The following ZNF839 variants were observed in gnomAD, a reference collection of about 807,000 sequenced individuals.
ZNF839 encodes zinc finger protein 839.
Under a neutral mutation model 56.4 loss-of-function variants are expected in ZNF839, and 38 were observed. The observed-to-expected ratio is 0.67, with a 90% CI of 0.52 to 0.88. ZNF839 has a LOEUF of 0.88. Ranked by LOEUF, ZNF839 falls within the 40% of genes least tolerant of loss-of-function variation. ZNF839 has a pLI of 0.00. For synonymous variants in ZNF839, 486 were observed against 493.5 expected, an observed-to-expected ratio of 0.98 and a Z score of 0.20; for missense variants, 1,091 against 1,177.6, an observed-to-expected ratio of 0.93 and a Z score of 1.08.
At chr14:102,322,009 T>C (rs1458638987) in intron 1 of ZNF839, among the ~76,000 whole-genome samples, 2 of 152,150 alleles carry the variant, frequency 1.3e-5, no homozygotes, top group Admixed American at 1.3e-4. Flanking sequence ...CACAGAAATT[T>C]CCAGTTCCAT....
Position 102,342,174 on chromosome 14 carries a change from C to A in ZNF839, c.2779C>A (p.Arg927Ser), listed in dbSNP as rs201035007. The A allele has an allele frequency of 1.2e-6, 2 of 1,602,554 alleles. No homozygotes were observed. The highest frequency in any genetic ancestry group is 1.7e-6 in the Non-Finnish European group (2 of 1,172,614). The part of the protein sequence containing the change: ...DAEGRACGWA[R>S] ...AGAGGGGCGTGCCTGCGGATGGGCC[C>A]GCTAGAAGGAGTTCCTCTAGAAGCT... The change falls in exon 8 of 8, where the codon CGC becomes AGC. Residue 927 changes from arginine to serine, a missense_variant. Around this residue, in one of 3 missense-constraint regions of ZNF839, gnomAD observed 431 missense variants for 468.0 expected, o/e 0.92. Coordinates refer to ENST00000442396, the MANE Select transcript of ZNF839 (RefSeq NM_018335.6).
chr14:102,332,810 T>G lies in ZNF839; in HGVS notation c.1416+964T>G, dbSNP rs769489579. Among the ~76,000 whole-genome samples, 35 of 152,104 alleles carry G rather than the reference T, an allele frequency of 2.3e-4. No homozygotes were observed. Among genetic ancestry groups the G allele is most frequent in the Non-Finnish European group, 4.6e-4 (31 of 68,024 alleles). On this transcript the variant is annotated intron_variant, in intron 3 of 7. Coordinates refer to ENST00000442396, the MANE Select transcript of ZNF839 (RefSeq NM_018335.6). This position sits in a 1 kb window ranked among gnomAD's most constrained non-coding sequence, Gnocchi z 4.9. Reference sequence around the variant, plus strand: ...CTGTAATCCCAGCCACTTGGGAGACTGAGGGAGGAGAATCGCTTGAACCCA... The same window carrying G: ...CTGTAATCCCAGCCACTTGGGAGACGGAGGGAGGAGAATCGCTTGAACCCA...
At chr14:102,331,256 T>C (rs1375711454) in intron 2 of ZNF839, among the ~76,000 whole-genome samples, 3 of 152,194 alleles carry the variant, frequency 2.0e-5, no homozygotes, top group Admixed American at 6.5e-5. Flanking sequence ...TCTTTTTTTT[T>C]CTTTTTTTTG....
At chr14:102,330,702 G>C (rs2073735233) in intron 2 of ZNF839, among the ~76,000 whole-genome samples, 1 of 151,816 alleles carries the variant, frequency 6.6e-6, no homozygotes, top group Non-Finnish European at 1.5e-5. Flanking sequence ...AATTTTAGTA[G>C]AGACAGGGTT....
chr14:102,328,973 CTTTTT>C, intron 2 of ZNF839, among the ~76,000 whole-genome samples: 1 of 142,220 alleles, frequency 7.0e-6, no homozygotes, highest in South Asian at 2.2e-4. Flanking sequence ...CTGCTTTCTT[CTTTTT>C]TTTTTTTTTT....
chr14:102,325,342 A>AAAAG (rs1491224337), intron 1 of ZNF839, among the ~76,000 whole-genome samples: 2 of 108,064 alleles, frequency 1.9e-5, no homozygotes, highest in East Asian at 4.8e-4. Context: ...CTAATCTCAG[A>AAAAG]AAAAAAAAAA....
At chr14:102,341,268 T>C in intron 7 of ZNF839, 55 bp from the exon 8 acceptor site, 3 of 1,467,120 alleles carry the variant, frequency 2.0e-6, no homozygotes, top group Non-Finnish European at 2.7e-6. Context: ...GTGAGTGCAG[T>C]GAGTGGGCCA....
chr14:102,318,981 TGG>T (rs2139434368), upstream of ZNF839, among the ~76,000 whole-genome samples: 1 of 152,272 alleles, frequency 6.6e-6, no homozygotes, highest in South Asian at 2.1e-4. Flanking sequence ...GGAAAGGAGC[TGG>T]GACATGTGTA....
At chr14:102,340,876 C>G (rs1364514634) in intron 7 of ZNF839, among the ~76,000 whole-genome samples, 1 of 152,004 alleles carries the variant, frequency 6.6e-6, no homozygotes, top group Non-Finnish European at 1.5e-5. Flanking sequence ...TTGAGACCAG[C>G]CTGACCTACA....
rs1394583375 is a variant in ZNF839, at chr14:102,328,376, ATATATATAT to A, written c.1191+1490_1191+1498del. Reference sequence around the variant, plus strand: ...TCTCAAAAAAAAAAAAAAAAAAAAAATATATATATATATATATATATATATATATATATA... The same window carrying A: ...TCTCAAAAAAAAAAAAAAAAAAAAAAATATATATATATATATATATATATA... On this transcript the variant is annotated intron_variant, in intron 2 of 7. Coordinates refer to ENST00000442396, the MANE Select transcript of ZNF839 (RefSeq NM_018335.6). 1.3e-3 allele frequency among the ~76,000 whole-genome samples: 22 copies of A among 16,948 alleles called. 1 individual carries two copies. Among genetic ancestry groups the A allele is most frequent in the South Asian group, 7.3e-3 (3 of 410 alleles). The allele number at this position is 16,948 out of a possible 152,430, so 11.1% of individuals were successfully genotyped here. A position where few individuals can be genotyped will look rare whatever the true frequency, so the allele number is the denominator to read the frequency against.
At chr14:102,324,909 C>T (rs990398601) in intron 1 of ZNF839, among the ~76,000 whole-genome samples, 1 of 149,034 alleles carries the variant, frequency 6.7e-6, no homozygotes, top group African/African-American at 2.5e-5. Flanking sequence ...AAGATAGTGT[C>T]GCTCCACTCC....
At chr14:102,322,794 G>T (rs944056728) in intron 1 of ZNF839, among the ~76,000 whole-genome samples, 8 of 152,150 alleles carry the variant, frequency 5.3e-5, no homozygotes, top group African/African-American at 1.2e-4. Flanking sequence ...TGAACTCCTG[G>T]CCTCAAGCAG....
chr14:102,339,224 G>A lies in ZNF839; in HGVS notation c.1927+1G>A. 6.2e-7 allele frequency: 1 copy of A among 1,609,896 alleles called. No individual in the cohort carries two copies. The highest frequency in any genetic ancestry group is 1.1e-5 in the South Asian group (1 of 90,296). ...AGGCCCTTGCATGCTTTGGCCGCTG[G>A]TGAGGGTAAAATGCTGTTTGTGGGG... is the stretch of plus-strand genomic sequence containing the variant. On this transcript the variant is annotated splice_donor_variant, in intron 7 of 7. Transcript: ENST00000442396. LOFTEE classifies it high-confidence loss of function.
chr14:102,337,183 T>G (rs1885848631), intron 5 of ZNF839: 1 of 152,150 alleles, frequency 6.6e-6, no homozygotes, highest in African/African-American at 2.4e-5. Flanking sequence ...GGTGTTTTTG[T>G]TTTTTTGAGA....
In ZNF839 at chr14:102,341,139, T is replaced by C. The variant is rs184820355; in HGVS notation, c.1928-184T>C. The C allele has an allele frequency of 1.2e-4, 58 of 495,970 alleles. No homozygotes were observed. In the South Asian group the frequency reaches 1.5e-3, roughly 13 times the overall value. 30.7% of individuals were successfully genotyped at this position (495,970 alleles called of 1,614,324 possible). A position where few individuals can be genotyped will look rare whatever the true frequency, so the allele number is the denominator to read the frequency against. ...GCATATTTTTAATACAAAATCTGTC[T>C]TTGTGAATAGAGAATAGGGACGTAT... On this transcript the variant is annotated intron_variant, in intron 7 of 7. Transcript: ENST00000442396.
chr14:102,326,352 C>T lies in ZNF839; in HGVS notation c.656C>T (p.Ser219Phe). Residue 219 changes from serine to phenylalanine, a missense_variant, in exon 2 of 8, where the codon TCT becomes TTT. This residue lies in a region of ZNF839 where 614 missense variants were observed against 629.2 expected (regional missense o/e 0.98). Coordinates refer to ENST00000442396, the MANE Select transcript of ZNF839 (RefSeq NM_018335.6). The surrounding 1 kb of genome is among the most constrained non-coding windows in gnomAD (Gnocchi z 4.3). ...LSASDPLAVT[S>F]LSSSSAHPFI... ...GCCTCTGACCCGCTGGCAGTAACATCTCTTTCATCCAGTTCAGCACATCCA... is the reference window on the plus strand; with the variant it reads ...GCCTCTGACCCGCTGGCAGTAACATTTCTTTCATCCAGTTCAGCACATCCA... The T allele has an allele frequency of 6.2e-7, 1 of 1,610,028 alleles. No individual in the cohort carries two copies. Among genetic ancestry groups the T allele is most frequent in the Non-Finnish European group, 8.5e-7 (1 of 1,177,934 alleles).
chr14:102,332,715 G>A lies in ZNF839; in HGVS notation c.1416+869G>A, dbSNP rs1432021356. ...ACCTGAAGTCAGGAGTTCGAGACCAGCCTGACCAACATAGTGAAACCCTGT... is the reference window on the plus strand; with the variant it reads ...ACCTGAAGTCAGGAGTTCGAGACCAACCTGACCAACATAGTGAAACCCTGT... On this transcript the variant is annotated intron_variant, in intron 3 of 7. Coordinates refer to ENST00000442396, the MANE Select transcript of ZNF839 (RefSeq NM_018335.6). This position sits in a 1 kb window ranked among gnomAD's most constrained non-coding sequence, Gnocchi z 4.9. Among the ~76,000 whole-genome samples the A allele has an allele frequency of 5.3e-5, 8 of 151,880 alleles. No individual in the cohort carries two copies. The East Asian group carries it at 1.6e-3, about 30-fold the overall frequency.
chr14:102,333,449 G>A (rs962018259), intron 3 of ZNF839, among the ~76,000 whole-genome samples: 3 of 151,810 alleles, frequency 2.0e-5, no homozygotes, highest in Non-Finnish European at 4.4e-5. Context: ...TTTTTTTAGA[G>A]ACAGGGTCTC....
chr14:102,318,226 G>C (rs1391450128), upstream of ZNF839, among the ~76,000 whole-genome samples: 2 of 152,220 alleles, frequency 1.3e-5, no homozygotes, highest in African/African-American at 4.8e-5. Context: ...TAGATGCAGG[G>C]ACACAGCATG....
Sources: allele counts gnomAD v4.1 joint callset (sites outside exome capture counted in the v4.1 genomes callset), GRCh38; gene constraint gnomAD v4.1.1; regional missense constraint gnomAD v4.1.1; non-coding constraint Gnocchi (gnomAD v3.1); transcripts MANE v1.5; gene names NCBI Gene and HGNC (gene_info 2026-07-23, HGNC 2026-07-21).